Variants in SV2C observed in about 807,000 individuals in gnomAD.
SV2C encodes solute carrier family 22 member B3.
A neutral mutation model predicts 79.7 loss-of-function variants in SV2C; 49 were observed. The ratio of observed to expected loss-of-function variants is 0.61; its 90% CI spans 0.49 to 0.78. SV2C has a LOEUF of 0.78. Among genes scored for constraint, SV2C ranks in the 30% least tolerant of loss-of-function variants. The probability of loss-of-function intolerance (pLI) is 0.00; values close to 1 mark genes in which losing one functional copy is unlikely to be tolerated. For synonymous variants in SV2C, 334 were observed against 333.2 expected, an observed-to-expected ratio of 1.00 and a Z score of -0.03; for missense variants, 833 against 912.9, an observed-to-expected ratio of 0.91 and a Z score of 1.13.
Position 76,301,551 on chromosome 5 carries a change from T to C in SV2C, c.2000+6T>C, listed in dbSNP as rs1209988991. On this transcript the variant is annotated splice_donor_region_variant and intron_variant, in intron 12 of 12. Transcript: ENST00000502798. ...CTGTACCCCACAGACCGGAGGTATG[T>C]TGAAATGGGCCTCTAGTAAGAGGCA... is the stretch of plus-strand genomic sequence containing the variant. The C allele has an allele frequency of 1.2e-6, 2 of 1,611,098 alleles. No homozygotes were observed. Among genetic ancestry groups the C allele is most frequent in the Non-Finnish European group, 1.7e-6 (2 of 1,178,362 alleles).
the SV2C span, among the ~76,000 whole-genome samples, chr5:75,933,158 T>C: frequency 5.3e-5 from 8 of 152,300 alleles, no homozygotes; most frequent in South Asian, 2.1e-4. Flanking sequence ...GACTGTCACC[T>C]CCTCAGAGAA....
At chr5:75,963,350 A>C in the SV2C span, among the ~76,000 whole-genome samples, 3 of 152,048 alleles carry the variant, frequency 2.0e-5, no homozygotes, top group African/African-American at 7.2e-5. Flanking sequence ...ATGGGAGGTT[A>C]ATATTATAAG....
chr5:76,339,584 G>A (rs187760352), intron 12 of SV2C, among the ~76,000 whole-genome samples: 3,270 of 151,984 alleles, frequency 0.022, 110 homozygotes, highest in African/African-American at 0.075. Context: ...TGTGGTGGTG[G>A]GCACCTGTAG....
At chr5:76,036,863 C>A in the SV2C span, among the ~76,000 whole-genome samples, 6 of 152,338 alleles carry the variant, frequency 3.9e-5, no homozygotes, top group East Asian at 1.9e-4. Context: ...TCCATTCTCC[C>A]TGTCACTTTC....
the SV2C span, among the ~76,000 whole-genome samples, chr5:75,891,724 A>G: frequency 6.6e-6 from 1 of 152,086 alleles, no homozygotes; most frequent in Non-Finnish European, 1.5e-5. Flanking sequence ...TATTTTTGAG[A>G]TATCAGCCTT....
chr5:75,898,854 G>A, the SV2C span, among the ~76,000 whole-genome samples: 4,814 of 152,202 alleles, frequency 0.032, 235 homozygotes, highest in African/African-American at 0.11. Context: ...GTTGATTTGC[G>A]TAGAGGTGTT....
chr5:75,978,509 T>G, the SV2C span, among the ~76,000 whole-genome samples: 1 of 152,238 alleles, frequency 6.6e-6, no homozygotes, highest in South Asian at 2.1e-4. Flanking sequence ...CATTTGAAAT[T>G]GGGCTGTGTC....
At chr5:76,178,530 A>T (rs1179720373) in intron 2 of SV2C, among the ~76,000 whole-genome samples, 1 of 152,246 alleles carries the variant, frequency 6.6e-6, no homozygotes, top group African/African-American at 2.4e-5. Flanking sequence ...CCTTTATTTT[A>T]CTAAGGAAGA....
chr5:76,230,704 G>A (rs1034061052), intron 4 of SV2C, among the ~76,000 whole-genome samples: 2 of 151,890 alleles, frequency 1.3e-5, no homozygotes, highest in South Asian at 4.2e-4. Flanking sequence ...CAGGAGAATG[G>A]CTTGAACCCA....
At chr5:76,174,421 A>G (rs1276486126) in intron 2 of SV2C, among the ~76,000 whole-genome samples, 1 of 152,248 alleles carries the variant, frequency 6.6e-6, no homozygotes, top group Admixed American at 6.5e-5. Flanking sequence ...TTAATAATGA[A>G]AGAGCAAAAT....
chr5:76,106,810 C>CT (rs761978881), intron 1 of SV2C, among the ~76,000 whole-genome samples: 28 of 152,046 alleles, frequency 1.8e-4, no homozygotes, highest in Non-Finnish European at 3.8e-4. Context: ...TTGCCTTACT[C>CT]TTTTTTTTCA....
intron 4 of SV2C, among the ~76,000 whole-genome samples, chr5:76,250,193 C>T (rs544361916): frequency 1.3e-3 from 183 of 141,068 alleles, no homozygotes; most frequent in African/African-American, 2.2e-3. Context: ...TCTTTTATTG[C>T]GCGTCCTGCT....
At chr5:76,284,866 T>A (rs1232856614) in intron 4 of SV2C, among the ~76,000 whole-genome samples, 1 of 151,874 alleles carries the variant, frequency 6.6e-6, no homozygotes, top group Non-Finnish European at 1.5e-5. Flanking sequence ...ACTAGCACAG[T>A]GGTCTATTGG....
intron 1 of SV2C, among the ~76,000 whole-genome samples, chr5:76,130,614 C>T (rs998194639): frequency 6.6e-6 from 1 of 152,086 alleles, no homozygotes; most frequent in African/African-American, 2.4e-5. Context: ...GTCAGTGACT[C>T]ACATGAGCCA....
chr5:76,286,046 T>A, intron 6 of SV2C, 176 bp downstream of exon 6: 1 of 549,718 alleles, frequency 1.8e-6, no homozygotes, highest in East Asian at 3.2e-5. Context: ...ATGGGATGAC[T>A]GTGTGTCAAT....
chr5:76,323,397 C>T (rs1016304361), intron 12 of SV2C, among the ~76,000 whole-genome samples: 4 of 152,034 alleles, frequency 2.6e-5, no homozygotes, highest in Non-Finnish European at 5.9e-5. Flanking sequence ...TAGATGCTAG[C>T]GAGGCTGTGG....
At chr5:76,101,041 G>T (rs890199906) in intron 1 of SV2C, among the ~76,000 whole-genome samples, 1 of 152,140 alleles carries the variant, frequency 6.6e-6, no homozygotes, top group East Asian at 1.9e-4. Flanking sequence ...TCCCTAAAGT[G>T]CAGTAAGTTT....
At chr5:76,024,314 T>C in the SV2C span, among the ~76,000 whole-genome samples, 6 of 152,088 alleles carry the variant, frequency 3.9e-5, no homozygotes, top group Non-Finnish European at 7.4e-5. Flanking sequence ...AGTAGCTAAC[T>C]TTTCAAAATA....
At chr5:75,882,350 C>T in the SV2C span, among the ~76,000 whole-genome samples, 3,321 of 147,504 alleles carry the variant, frequency 0.023, 290 homozygotes, top group African/African-American at 0.079. Context: ...GATTCAATGC[C>T]ATCCCCATCA....
Sources: allele counts gnomAD v4.1 joint callset (sites outside exome capture counted in the v4.1 genomes callset), GRCh38; gene constraint gnomAD v4.1.1; transcripts MANE v1.5; gene names NCBI Gene and HGNC (gene_info 2026-07-23, HGNC 2026-07-21).